Variants in EXOC4 observed in about 807,000 individuals in gnomAD.
The protein encoded by EXOC4 is exocyst complex component 4, also known as SEC8-like 1.
A neutral mutation model predicts 107.2 loss-of-function variants in EXOC4; 71 were observed. The observed-to-expected ratio is 0.66, with a 90% confidence interval of 0.55 to 0.81. The LOEUF (loss-of-function observed/expected upper bound fraction) is 0.81. Ranked by LOEUF, EXOC4 falls within the 30% of genes least tolerant of loss-of-function variation. EXOC4 has a pLI of 0.00. For missense variants in EXOC4, 1,108 were observed against 1,189.6 expected, an observed-to-expected ratio of 0.93 and a Z score of 1.01; for synonymous variants, 456 against 441.2, an observed-to-expected ratio of 1.03 and a Z score of -0.42.
At chr7:133,882,058 A>C (rs1798978137) in intron 11 of EXOC4, among the ~76,000 whole-genome samples, 2 of 152,162 alleles carry the variant, frequency 1.3e-5, no homozygotes, top group South Asian at 4.1e-4. Context: ...ACCGTGTATT[A>C]GCTGTGCCTG....
At chr7:133,530,087 T>G (rs1490753199) in intron 9 of EXOC4, among the ~76,000 whole-genome samples, 3 of 152,164 alleles carry the variant, frequency 2.0e-5, no homozygotes, top group Non-Finnish European at 4.4e-5. Context: ...AGTGTACAGC[T>G]GGGGCTAGAG....
chr7:133,590,463 T>C (rs1204558172), intron 9 of EXOC4, among the ~76,000 whole-genome samples: 1 of 152,076 alleles, frequency 6.6e-6, no homozygotes, highest in African/African-American at 2.4e-5. Context: ...CCCAAAGTCC[T>C]GTTTTCTCAT....
chr7:133,481,290 G>C (rs1269317693), intron 9 of EXOC4, among the ~76,000 whole-genome samples: 15 of 152,096 alleles, frequency 9.9e-5, no homozygotes, highest in Non-Finnish European at 2.1e-4. Flanking sequence ...TGAGTGGGTG[G>C]TATGGATAAA....
chr7:133,961,147 A>G (rs569629685), intron 14 of EXOC4, among the ~76,000 whole-genome samples: 9 of 152,162 alleles, frequency 5.9e-5, no homozygotes, highest in Non-Finnish European at 1.3e-4. Flanking sequence ...AATGTGAGAA[A>G]GACTCAACCC....
At chr7:133,830,658 T>C (rs1188323056) in intron 11 of EXOC4, among the ~76,000 whole-genome samples, 1 of 152,178 alleles carries the variant, frequency 6.6e-6, no homozygotes, top group African/African-American at 2.4e-5. Flanking sequence ...TTATCAAAAT[T>C]GCAAAGACAG....
intron 10 of EXOC4, among the ~76,000 whole-genome samples, chr7:133,764,501 G>A (rs1178097547): frequency 1.3e-5 from 2 of 152,036 alleles, no homozygotes; most frequent in African/African-American, 4.8e-5. Flanking sequence ...TAGCCCAGGA[G>A]TGTGGTGTTT....
the EXOC4 span, among the ~76,000 whole-genome samples, chr7:134,087,137 T>A: frequency 6.6e-6 from 1 of 152,196 alleles, no homozygotes; most frequent in Non-Finnish European, 1.5e-5. Context: ...GGTCTCAGCC[T>A]CATTTTACTC....
At chr7:133,845,335 A>AGTGTGTGTGT (rs34845137) in intron 11 of EXOC4, among the ~76,000 whole-genome samples, 116 of 138,030 alleles carry the variant, frequency 8.4e-4, no homozygotes, top group African/African-American at 2.6e-3. Flanking sequence ...GCAGGTTAGT[A>AGTGTGTGTGT]GTGTGTGTGT....
intron 10 of EXOC4, among the ~76,000 whole-genome samples, chr7:133,694,671 G>A (rs945786948): frequency 6.6e-6 from 1 of 152,124 alleles, no homozygotes. Context: ...TCAAGTCAAG[G>A]TAATTGGGAT....
At chr7:134,040,694 A>G (rs149108688) in intron 17 of EXOC4, among the ~76,000 whole-genome samples, 23 of 152,334 alleles carry the variant, frequency 1.5e-4, no homozygotes, top group African/African-American at 5.5e-4. Context: ...TCAGTGCACA[A>G]ATTTTTAGCA....
chr7:133,589,031 A>C (rs1801478519), intron 9 of EXOC4, among the ~76,000 whole-genome samples: 1 of 152,148 alleles, frequency 6.6e-6, no homozygotes, highest in African/African-American at 2.4e-5. Flanking sequence ...AAAGGAATTA[A>C]AAGATACAAA....
At chr7:133,464,810 G>GTTTTTTTTTTTTTTTTTTTT (rs1491525276) in intron 7 of EXOC4, among the ~76,000 whole-genome samples, 1 of 105,670 alleles carries the variant, frequency 9.5e-6, no homozygotes, top group Non-Finnish European at 1.7e-5. Flanking sequence ...TGGTTGGGTT[G>GTTTTTTTTTTTTTTTTTTTT]GTTTTTTTTT....
intron 9 of EXOC4, among the ~76,000 whole-genome samples, chr7:133,482,320 C>T (rs1799176461): frequency 6.6e-6 from 1 of 152,152 alleles, no homozygotes; most frequent in Non-Finnish European, 1.5e-5. Flanking sequence ...ACAGTGCAGC[C>T]TTCCATTTGA....
At chr7:133,539,484 C>T (rs1278078428) in intron 9 of EXOC4, among the ~76,000 whole-genome samples, 2 of 151,766 alleles carry the variant, frequency 1.3e-5, no homozygotes, top group Non-Finnish European at 2.9e-5. Flanking sequence ...TTTGGCAAGA[C>T]TGATTGTTAA....
chr7:133,562,430 C>T (rs1800823040), intron 9 of EXOC4, among the ~76,000 whole-genome samples: 1 of 152,086 alleles, frequency 6.6e-6, no homozygotes, highest in Non-Finnish European at 1.5e-5. Flanking sequence ...CCTTTTGCTT[C>T]CGGTTAGTGT....
intron 10 of EXOC4, among the ~76,000 whole-genome samples, chr7:133,640,913 G>A (rs985143522): frequency 2.0e-5 from 3 of 151,442 alleles, no homozygotes; most frequent in Non-Finnish European, 2.9e-5. Context: ...TGTTGCCCAG[G>A]CTGGAGTGCA....
At chr7:133,422,353 T>C (rs1001508823) in intron 7 of EXOC4, among the ~76,000 whole-genome samples, 1 of 152,232 alleles carries the variant, frequency 6.6e-6, no homozygotes, top group Non-Finnish European at 1.5e-5. Flanking sequence ...GTGATTTCCA[T>C]GTTTAAGCTT....
At chr7:133,324,136 A>G (rs1456248708) in intron 5 of EXOC4, among the ~76,000 whole-genome samples, 3 of 151,810 alleles carry the variant, frequency 2.0e-5, no homozygotes, top group Non-Finnish European at 4.4e-5. Context: ...TGGTCTATCA[A>G]TTTTGTTGGT....
intron 7 of EXOC4, among the ~76,000 whole-genome samples, chr7:133,441,803 A>G (rs1189446211): frequency 6.6e-6 from 1 of 152,144 alleles, no homozygotes; most frequent in East Asian, 1.9e-4. Flanking sequence ...ATTTTGACTC[A>G]CACTGTTAAG....
Sources: allele counts gnomAD v4.1 joint callset (sites outside exome capture counted in the v4.1 genomes callset), GRCh38; gene constraint gnomAD v4.1.1; transcripts MANE v1.5; gene names NCBI Gene and HGNC (gene_info 2026-07-23, HGNC 2026-07-21).